Variants in SHC3 observed in about 807,000 individuals in gnomAD.
The protein encoded by SHC3 is SHC adaptor protein 3, also known as SHC-transforming protein 3.
A neutral mutation model predicts 60.4 loss-of-function variants in SHC3; 15 were observed. That is an observed-to-expected ratio of 0.25 (90% CI 0.17 to 0.38). SHC3 has a LOEUF of 0.38. SHC3 is among the 10% of genes least tolerant of loss of function. The pLI, the probability that SHC3 is intolerant of heterozygous loss-of-function variation, is 1.00. For missense variants in SHC3, 677 were observed against 786.1 expected (o/e 0.86, Z 1.66); for synonymous variants, 294 against 325.9 (o/e 0.90, Z 1.05).
At position 89,124,281 on chromosome 9, in the gene SHC3, G is replaced by A. The variant is rs113312183; in HGVS notation, c.475-11655C>T. On this transcript the variant is annotated intron_variant, in intron 1 of 11. Coordinates refer to ENST00000375835, the MANE Select transcript of SHC3 (RefSeq NM_016848.6). ...TTCAGCCATTGTGGAAGAGTGTGGC[G>A]ATTCCTCAAGGATCTAGAACCAGAA... 5.3e-3 allele frequency among the ~76,000 whole-genome samples: 813 copies of A among 152,254 alleles called. 2 individuals carry two copies. Among genetic ancestry groups the A allele is most frequent in the Middle Eastern group, 0.017 (5 of 294 alleles).
At chr9:89,098,369 G>A (rs762103835) in intron 2 of SHC3, among the ~76,000 whole-genome samples, 6 of 152,226 alleles carry the variant, frequency 3.9e-5, no homozygotes, top group Non-Finnish European at 5.9e-5. Context: ...ATTAAATTAG[G>A]TAATTGTGTT....
At chr9:89,060,647 G>A (rs1825072324) in intron 6 of SHC3, among the ~76,000 whole-genome samples, 1 of 152,008 alleles carries the variant, frequency 6.6e-6, no homozygotes, top group African/African-American at 2.4e-5. Flanking sequence ...CTCACAGAAG[G>A]TCCTGTGGGT....
chr9:89,042,254 A>T (rs1272703370), intron 9 of SHC3, 70 bp from the exon 10 acceptor site: 11 of 1,447,798 alleles, frequency 7.6e-6, no homozygotes, highest in Non-Finnish European at 1.0e-5. Flanking sequence ...GCCTTTCACA[A>T]AGAAGCTCTT....
In SHC3 at chr9:89,169,449, CA is replaced by C. The variant is rs145832479; in HGVS notation, c.474+8537del. Among the ~76,000 whole-genome samples, 720 of 148,394 alleles carry C rather than the reference CA, an allele frequency of 4.9e-3. 5 individuals are homozygous for C. The highest frequency in any genetic ancestry group is 0.017 in the African/African-American group (682 of 40,276). Reference sequence around the variant, plus strand: ...TGCTCTCCAAGCACTGAGGCGGAGGCACCACCCAGACCTGCACAATTCTAGA... The same window carrying C: ...TGCTCTCCAAGCACTGAGGCGGAGGCCCACCCAGACCTGCACAATTCTAGA... On this transcript the variant is annotated intron_variant, in intron 1 of 11. Transcript: ENST00000375835.
intron 1 of SHC3, among the ~76,000 whole-genome samples, chr9:89,125,007 C>T (rs17054746): frequency 0.013 from 2,046 of 152,092 alleles, 20 homozygotes; most frequent in South Asian, 0.034. Flanking sequence ...TAGTCATGCC[C>T]GAGAAAGTCA....
In SHC3 at chr9:89,087,070, A is replaced by C. The variant is rs1825542351; in HGVS notation, c.546-9167T>G. Among the ~76,000 whole-genome samples, 2 of 152,154 alleles carry C rather than the reference A, an allele frequency of 1.3e-5. 1 individual carries two copies. The highest frequency in any genetic ancestry group is 4.1e-4 in the South Asian group (2 of 4,834). ...GCGCACACCCATCCGCCCACATGAC[A>C]CATATATGTGCATCAAGGGACTCCA... On this transcript the variant is annotated intron_variant, in intron 2 of 11. Coordinates refer to ENST00000375835, the MANE Select transcript of SHC3 (RefSeq NM_016848.6).
chr9:89,145,307 T>C (rs1328045439), intron 1 of SHC3, among the ~76,000 whole-genome samples: 2 of 152,194 alleles, frequency 1.3e-5, no homozygotes, highest in Non-Finnish European at 2.9e-5. Flanking sequence ...AAAGTAAAAG[T>C]TGCCAAGAGA....
intron 1 of SHC3, among the ~76,000 whole-genome samples, chr9:89,137,827 C>T (rs904307779): frequency 2.0e-5 from 3 of 152,166 alleles, no homozygotes; most frequent in Non-Finnish European, 2.9e-5. Flanking sequence ...AAACTCAATT[C>T]ATCAGGAGCA....
chr9:89,080,034 T>C (rs1327035612), intron 2 of SHC3, among the ~76,000 whole-genome samples: 1 of 152,244 alleles, frequency 6.6e-6, no homozygotes, highest in East Asian at 1.9e-4. Context: ...TAACTATTAA[T>C]AACTGCAATA....
At chr9:89,107,542 T>C (rs979465370) in intron 2 of SHC3, among the ~76,000 whole-genome samples, 31 of 152,220 alleles carry the variant, frequency 2.0e-4, no homozygotes, top group African/African-American at 7.2e-4. Context: ...GCTGGTGTTT[T>C]CAAAAAGGAC....
At chr9:89,097,035 C>T (rs11137512) in intron 2 of SHC3, among the ~76,000 whole-genome samples, 3 of 146,936 alleles carry the variant, frequency 2.0e-5, no homozygotes, top group Non-Finnish European at 4.4e-5. Flanking sequence ...AGGAGAGGAT[C>T]TCAGCAGCGA....
At chr9:89,047,643 C>G (rs1037747138) in intron 7 of SHC3, among the ~76,000 whole-genome samples, 1 of 152,162 alleles carries the variant, frequency 6.6e-6, no homozygotes, top group African/African-American at 2.4e-5. Flanking sequence ...TGAAAAGTTC[C>G]TCAACATCGT....
Position 89,075,300 on chromosome 9 carries a change from A to C in SHC3, c.610-72T>G, listed in dbSNP as rs1216639425. On this transcript the variant is annotated intron_variant, in intron 3 of 11. Transcript: ENST00000375835. ...AAGGGTGGGGATGTGGATGCCTGCC[A>C]TACCCCTAAACTCTCACTAACTGTT... 2.5e-6 allele frequency: 4 copies of C among 1,573,754 alleles called. No homozygotes were observed. The Admixed American group carries it at 5.1e-5, about 20-fold the overall frequency.
intron 6 of SHC3, among the ~76,000 whole-genome samples, chr9:89,058,263 G>A (rs1824988318): frequency 1.3e-5 from 2 of 152,138 alleles, no homozygotes; most frequent in Admixed American, 6.5e-5. Context: ...CATAGGACGT[G>A]GTGGAAGATG....
At chr9:89,040,412 G>A (rs1278342497) in intron 10 of SHC3, among the ~76,000 whole-genome samples, 1 of 151,814 alleles carries the variant, frequency 6.6e-6, no homozygotes, top group African/African-American at 2.4e-5. Context: ...TTCACATCCT[G>A]TTTCCCCTCC....
At chr9:89,066,120 G>A (rs1825176379) in intron 5 of SHC3, among the ~76,000 whole-genome samples, 1 of 152,136 alleles carries the variant, frequency 6.6e-6, no homozygotes, top group Non-Finnish European at 1.5e-5. Flanking sequence ...ATTTGAGCTG[G>A]TATCAGAATC....
chr9:89,178,583 A>G lies in SHC3; in HGVS notation c.-123T>C. 1 of 818,430 alleles carries G rather than the reference A, an allele frequency of 1.2e-6. No individual in the cohort carries two copies. The highest frequency in any genetic ancestry group is 1.8e-6 in the Non-Finnish European group (1 of 566,522). The allele number at this position is 818,430 out of a possible 1,614,324, so 50.7% of individuals were successfully genotyped here. A position where few individuals can be genotyped will look rare whatever the true frequency, so the allele number is the denominator to read the frequency against. On this transcript the variant is annotated 5_prime_UTR_variant, in exon 1 of 12. Coordinates refer to ENST00000375835, the MANE Select transcript of SHC3 (RefSeq NM_016848.6). The surrounding 1 kb of genome is among the most constrained non-coding windows in gnomAD (Gnocchi z 6.9). ...GGACGGAGAGTGGGGGCCCCGGGAC[A>G]GCCTTCTGGAGAACGAGAGCAGAGC...
intron 11 of SHC3, among the ~76,000 whole-genome samples, chr9:89,035,401 G>A (rs770747797): frequency 3.3e-5 from 5 of 152,140 alleles, no homozygotes; most frequent in East Asian, 1.9e-4. Context: ...TCAGTAAAAC[G>A]GTTTAGAAAA....
intron 1 of SHC3, among the ~76,000 whole-genome samples, chr9:89,130,250 A>T (rs976192946): frequency 6.6e-6 from 1 of 152,212 alleles, no homozygotes; most frequent in African/African-American, 2.4e-5. Context: ...ATACAGGAGC[A>T]CCTAGATTTA....
Sources: allele counts gnomAD v4.1 joint callset (sites outside exome capture counted in the v4.1 genomes callset), GRCh38; gene constraint gnomAD v4.1.1; non-coding constraint Gnocchi (gnomAD v3.1); transcripts MANE v1.5; gene names NCBI Gene and HGNC (gene_info 2026-07-23, HGNC 2026-07-21).